Variants in ABCA10 observed in about 807,000 individuals in gnomAD.
The protein encoded by ABCA10 is ATP binding cassette subfamily A member 10, also known as ATP-binding cassette sub-family A member 10.
In ABCA10, 169 loss-of-function variants were observed where a neutral mutation model predicts 187.5. The ratio of observed to expected loss-of-function variants is 0.90; its 90% CI spans 0.80 to 1.02. The LOEUF (loss-of-function observed/expected upper bound fraction) is 1.02, where lower values mean the gene tolerates loss of function less well. Ranked by LOEUF, ABCA10 falls within the 50% of genes least tolerant of loss-of-function variation. The probability of loss-of-function intolerance (pLI) is 0.00; values close to 1 mark genes in which losing one functional copy is unlikely to be tolerated. For missense variants in ABCA10, 1,727 were observed against 1,812.4 expected, an observed-to-expected ratio of 0.95 and a Z score of 0.86; for synonymous variants, 574 against 601.8, an observed-to-expected ratio of 0.95 and a Z score of 0.68.
intron 3 of ABCA10, among the ~76,000 whole-genome samples, chr17:69,224,555 G>C (rs2074777595): frequency 6.6e-6 from 1 of 152,030 alleles, no homozygotes; most frequent in Non-Finnish European, 1.5e-5. Flanking sequence ...GTAGGCAAAG[G>C]TCTCACATAG....
At chr17:69,168,201 A>G (rs2074268618) in intron 25 of ABCA10, among the ~76,000 whole-genome samples, 1 of 152,218 alleles carries the variant, frequency 6.6e-6, no homozygotes, top group African/African-American at 2.4e-5. Context: ...TGTTATCAGT[A>G]AGATTTCAGT....
At position 69,193,596 on chromosome 17, in the gene ABCA10, A is replaced by G. The variant is rs1355304640; in HGVS notation, c.1538T>C (p.Met513Thr). ...TTGAATGCTTTGCATGTCTAATTCC[A>G]TTATAATTCTTTTTACCTATCAAAG... The part of the protein sequence containing the change: ...EVEQEVKRII[M>T]ELDMQSIQDI... Residue 513 changes from methionine (M) to threonine (T), a missense_variant, in exon 14 of 39, where the codon ATG (methionine) becomes ACG (threonine). Physicochemically the swap from Met to Thr is moderately conservative, Grantham distance 81. Transcript: ENST00000690296. 2.5e-6 allele frequency: 4 copies of G among 1,607,082 alleles called. No homozygotes were observed. Among genetic ancestry groups the G allele is most frequent in the Non-Finnish European group, 3.4e-6 (4 of 1,175,984 alleles).
intron 22 of ABCA10, among the ~76,000 whole-genome samples, chr17:69,181,005 TAAAG>T (rs796598059): frequency 4.0e-5 from 6 of 151,870 alleles, no homozygotes; most frequent in African/African-American, 1.5e-4. Context: ...TTATAAAACA[TAAAG>T]AAGCCAAACC....
chr17:69,150,254 C>CA, intron 36 of ABCA10, 191 bp from the exon 37 acceptor site: 1 of 470,986 alleles, frequency 2.1e-6, no homozygotes, highest in East Asian at 3.5e-5. Context: ...CTGGTTGCCT[C>CA]TAATTTTATG....
intron 10 of ABCA10, 135 bp downstream of exon 10, chr17:69,201,365 T>G: frequency 1.7e-5 from 13 of 777,458 alleles, no homozygotes; most frequent in Non-Finnish European, 2.2e-5. Flanking sequence ...AAATGGTGAA[T>G]GAGAGGAATT....
chr17:69,161,073 T>C lies in ABCA10; in HGVS notation c.3363+3001A>G, dbSNP rs538118001. On this transcript the variant is annotated intron_variant, in intron 27 of 38. Coordinates refer to ENST00000690296, the MANE Select transcript of ABCA10 (RefSeq NM_001377321.1). ...CATATAATTCAATATTATTCAACCT[T>C]AAAAAGGAGTGAAATCTTGACATAT... is the stretch of plus-strand genomic sequence containing the variant. Among the ~76,000 whole-genome samples, 29 of 152,244 alleles carry C rather than the reference T, an allele frequency of 1.9e-4. No individual in the cohort carries two copies. In the East Asian group the frequency reaches 5.0e-3, roughly 26 times the overall value.
rs191176855 is a variant in ABCA10 at position 69,196,133 on chromosome 17, G to A, written c.1234+931C>T. On this transcript the variant is annotated intron_variant, in intron 11 of 38. Transcript: ENST00000690296. ...GGGCCCCCCACCTCCCAGACGGGGC[G>A]GCTGCCGGGCGGGGGCTGCCCCCCA... 5.7e-3 allele frequency: 915 copies of A among 161,144 alleles called. 6 individuals carry two copies. Among genetic ancestry groups the A allele is most frequent in the African/African-American group, 0.019 (773 of 41,492 alleles). The allele number at this position is 161,144 out of a possible 1,614,324, so 10.0% of individuals were successfully genotyped here. A position where few individuals can be genotyped will look rare whatever the true frequency, so the allele number is the denominator to read the frequency against.
At chr17:69,233,509 T>C (rs1406418933), upstream of ABCA10, 1 of 152,200 alleles carries the variant, frequency 6.6e-6, no homozygotes, top group African/African-American at 2.4e-5. Flanking sequence ...AAAACAGCTA[T>C]TTTACATTTT....
chr17:69,175,262 T>C (rs1311636788), intron 23 of ABCA10, 144 bp downstream of exon 23: 3 of 661,194 alleles, frequency 4.5e-6, no homozygotes, highest in Admixed American at 3.6e-5. Flanking sequence ...ATGTGTTTAC[T>C]ATAATCTATA....
intron 21 of ABCA10, 81 bp from the exon 22 acceptor site, chr17:69,182,371 G>A: frequency 8.7e-7 from 1 of 1,153,882 alleles, no homozygotes; most frequent in African/African-American, 1.6e-5. Context: ...TTACCAGAGT[G>A]GAATTAGAAT....
At chr17:69,188,992 C>T (rs147789753) in intron 18 of ABCA10, among the ~76,000 whole-genome samples, 61 of 152,084 alleles carry the variant, frequency 4.0e-4, no homozygotes, top group African/African-American at 1.2e-3. Context: ...CTGCAATGAA[C>T]GTATCTGTAT....
chr17:69,210,347 G>A (rs112762213), intron 9 of ABCA10, among the ~76,000 whole-genome samples: 12,838 of 148,232 alleles, frequency 0.087, 1,930 homozygotes, highest in African/African-American at 0.31. Context: ...CCGCCACCGC[G>A]CCCGGCTAAT....
chr17:69,152,475 T>G lies in ABCA10; in HGVS notation c.4143A>C (p.Ile1381=). The change falls in exon 35 of 39, where the codon ATA becomes ATC. Residue 1381 remains isoleucine (I), a synonymous_variant. Transcript: ENST00000690296. ...CCTTGTTTTTAACGGTAGCCTGAAG[T>G]ATCTGCCTAAAGATAAAGTAAGGGA... ...DPEGQQQMWQ[I]LQATVKNKER... The G allele has an allele frequency of 6.2e-7, 1 of 1,611,882 alleles. No homozygotes were observed. The highest frequency in any genetic ancestry group is 2.2e-5 in the East Asian group (1 of 44,852).
At chr17:69,241,154 G>A (rs1052263444) in intron 1 of ABCA10, among the ~76,000 whole-genome samples, 1 of 152,102 alleles carries the variant, frequency 6.6e-6, no homozygotes, top group African/African-American at 2.4e-5. Context: ...TAGAAGATAC[G>A]TTCAGAGACA....
chr17:69,192,631 A>G lies in ABCA10; in HGVS notation c.1803T>C (p.Asn601=), dbSNP rs2074469309. The change falls in exon 16 of 39, where the codon AAT becomes AAC. Residue 601 remains asparagine, a synonymous_variant. Transcript: ENST00000690296. ...ATGATCCTGCACATTTCAACTTCCC[A>G]TTAGACAGAAATACTTTCCTATCTG... The part of the protein sequence containing the change: ...ILADRKVFLS[N]GKLKCAGSSL... 6.2e-7 allele frequency: 1 copy of G among 1,613,416 alleles called. No individual in the cohort carries two copies. Among genetic ancestry groups the G allele is most frequent in the Non-Finnish European group, 8.5e-7 (1 of 1,179,790 alleles).
chr17:69,154,943 A>G, intron 30 of ABCA10, 76 bp downstream of exon 30: 4 of 1,032,588 alleles, frequency 3.9e-6, no homozygotes, highest in Non-Finnish European at 5.7e-6. Context: ...ATGAATAAAA[A>G]TTTGTCCCCT....
intron 2 of ABCA10, among the ~76,000 whole-genome samples, chr17:69,226,750 TG>T (rs1385108777): frequency 6.6e-6 from 1 of 151,980 alleles, no homozygotes; most frequent in Non-Finnish European, 1.5e-5. Context: ...TATCAGGGTT[TG>T]CCCACGTAAA....
intron 3 of ABCA10, chr17:69,223,715 G>A (rs1383311891): frequency 2.4e-6 from 1 of 420,006 alleles, no homozygotes; most frequent in Non-Finnish European, 4.7e-6. Flanking sequence ...TTTCTCTAGG[G>A]GTATAAAAAA....
rs2074238951 is a variant in ABCA10 at position 69,164,166 on chromosome 17, C to A, written c.3283-12G>T. The A allele has an allele frequency of 4.5e-6, 7 of 1,564,722 alleles. No individual in the cohort carries two copies. The highest frequency in any genetic ancestry group is 1.7e-4 in the Middle Eastern group (1 of 5,852). ...CTCATAAAGTCGAGCTGAAAAAAAA[C>A]CCACCAACAGTTAAATGCAAGTTTC... On this transcript the variant is annotated splice_polypyrimidine_tract_variant and intron_variant, in intron 26 of 38. Transcript: ENST00000690296.
Sources: gnomAD v4.1 joint callset for allele counts (sites outside exome capture counted in the v4.1 genomes callset) on GRCh38, gnomAD v4.1.1 for gene constraint, MANE v1.5 for transcripts, NCBI Gene and HGNC (gene_info 2026-07-23, HGNC 2026-07-21) for gene names.